SNX16: variants seen among roughly 807,000 people sequenced by gnomAD.
The protein encoded by SNX16 is sorting nexin-16.
A neutral mutation model predicts 36.7 loss-of-function variants in SNX16; 35 were observed. That is an observed-to-expected ratio of 0.95 (90% confidence interval 0.73 to 1.27). SNX16 has a LOEUF of 1.27. Ranked by LOEUF, SNX16 falls within the 50% of genes most tolerant of loss-of-function variation. SNX16 has a pLI of 0.00. For synonymous variants in SNX16, 134 were observed against 132.0 expected (o/e 1.02, Z -0.10); for missense variants, 367 against 393.6 (o/e 0.93, Z 0.57).
At chr8:81,815,288 G>T (rs746648023) in intron 5 of SNX16, 37 bp downstream of exon 5, 3 of 1,493,154 alleles carry the variant, frequency 2.0e-6, no homozygotes, top group Non-Finnish European at 2.8e-6. Flanking sequence ...TGCATTAATT[G>T]TTCCTCTTTT....
At chr8:81,835,719 A>G (rs536770348) in intron 2 of SNX16, among the ~76,000 whole-genome samples, 7 of 152,294 alleles carry the variant, frequency 4.6e-5, no homozygotes, top group African/African-American at 1.7e-4. Flanking sequence ...TCCAACTAAG[A>G]CTACCTCAGC....
intron 4 of SNX16, among the ~76,000 whole-genome samples, chr8:81,821,682 C>T (rs1224277023): frequency 1.3e-5 from 2 of 151,828 alleles, no homozygotes; most frequent in African/African-American, 4.8e-5. Flanking sequence ...TAATCGCTAA[C>T]TCTGTCACAT....
At chr8:81,817,450 A>C (rs1810546748) in intron 4 of SNX16, among the ~76,000 whole-genome samples, 2 of 152,168 alleles carry the variant, frequency 1.3e-5, no homozygotes, top group South Asian at 4.1e-4. Context: ...CTTCCCTAAA[A>C]ATCTTTATGA....
At chr8:81,810,922 C>A (rs962261226) in intron 5 of SNX16, among the ~76,000 whole-genome samples, 5 of 152,068 alleles carry the variant, frequency 3.3e-5, no homozygotes, top group Admixed American at 2.0e-4. Flanking sequence ...TCTTCCCCTG[C>A]CAAGTTATGA....
chr8:81,801,257 G>A lies in SNX16; in HGVS notation c.*240C>T. The A allele has an allele frequency of 3.0e-6, 1 of 331,844 alleles. No homozygotes were observed. Among genetic ancestry groups the A allele is most frequent in the Non-Finnish European group, 5.4e-6 (1 of 183,764 alleles). 20.6% of individuals were successfully genotyped at this position (331,844 alleles called of 1,614,324 possible). A position where few individuals can be genotyped will look rare whatever the true frequency, so the allele number is the denominator to read the frequency against. On this transcript the variant is annotated 3_prime_UTR_variant, in exon 8 of 8. Coordinates refer to ENST00000345957, the MANE Select transcript of SNX16 (RefSeq NM_152836.3). ...TTTAAGAATGTGGGCCTTGATAACA[G>A]AATTCCAACAAGATTTTTTTTAGTG... is the stretch of plus-strand genomic sequence containing the variant.
chr8:81,830,292 G>C (rs188018967), intron 2 of SNX16, among the ~76,000 whole-genome samples: 2 of 152,042 alleles, frequency 1.3e-5, no homozygotes, highest in South Asian at 4.1e-4. Context: ...TCACAGGGCC[G>C]GGTGTGGTGG....
At chr8:81,821,156 C>A (rs540246793) in intron 4 of SNX16, among the ~76,000 whole-genome samples, 2 of 150,348 alleles carry the variant, frequency 1.3e-5, no homozygotes, top group East Asian at 1.9e-4. Flanking sequence ...ACCTTTAATC[C>A]TTTAGGGATA....
At position 81,801,597 on chromosome 8, in the gene SNX16, C is replaced by CAAAGAA. The variant is rs1809693757; in HGVS notation, c.939-5_939-4insTTCTTT. On this transcript the variant is annotated splice_polypyrimidine_tract_variant and splice_region_variant and intron_variant, in intron 7 of 7. Transcript: ENST00000345957. ...TAAGCATGGTTTATTATCAGCTCTG[C>CAAAGAA]AAAAAAAAAAAAAAAAGGAACATAT... 1.1e-6 allele frequency: 1 copy of CAAAGAA among 896,218 alleles called. No homozygotes were observed. The allele number at this position is 896,218 out of a possible 1,614,324, so 55.5% of individuals were successfully genotyped here. A position where few individuals can be genotyped will look rare whatever the true frequency, so the allele number is the denominator to read the frequency against.
rs1809685076 is a variant in SNX16 at position 81,801,511 on chromosome 8, C to A, written c.1021G>T (p.Ala341Ser). The A allele has an allele frequency of 6.3e-7, 1 of 1,589,088 alleles. No homozygotes were observed. The highest frequency in any genetic ancestry group is 1.4e-5 in the African/African-American group (1 of 73,594). Residue 341 changes from alanine (A) to serine (S), a missense_variant, in exon 8 of 8, where the codon GCT (alanine) becomes TCT (serine). Ala to Ser is a moderately conservative substitution (Grantham distance 99). Transcript: ENST00000345957. Reference sequence around the variant, plus strand: ...CTTGTGATACATTAGTCTTCTTCAGCATCATATGCCACTTCTGCTACTTCT... The same window carrying A: ...CTTGTGATACATTAGTCTTCTTCAGAATCATATGCCACTTCTGCTACTTCT... ...EIEVAEVAYD[A>S]EED
intron 5 of SNX16, among the ~76,000 whole-genome samples, chr8:81,812,392 A>G (rs1327991606): frequency 6.6e-6 from 1 of 152,140 alleles, no homozygotes; most frequent in East Asian, 1.9e-4. Flanking sequence ...AACTGCTGAA[A>G]GTCAAACAAA....
At chr8:81,830,687 G>A (rs187364679) in intron 2 of SNX16, among the ~76,000 whole-genome samples, 22 of 151,296 alleles carry the variant, frequency 1.5e-4, no homozygotes, top group Non-Finnish European at 2.9e-4. Context: ...TGGCCACACT[G>A]CCCAAAGCAG....
At position 81,801,444 on chromosome 8, in the gene SNX16, C is replaced by CCA. The variant is rs1809681332; in HGVS notation, c.*51_*52dup. 1.0e-5 allele frequency: 10 copies of CCA among 1,002,542 alleles called. 1 individual carries two copies. Among genetic ancestry groups the CCA allele is most frequent in the South Asian group, 7.8e-5 (5 of 63,876 alleles). 62.1% of individuals were successfully genotyped at this position (1,002,542 alleles called of 1,614,324 possible). A position where few individuals can be genotyped will look rare whatever the true frequency, so the allele number is the denominator to read the frequency against. On this transcript the variant is annotated 3_prime_UTR_variant, in exon 8 of 8. Transcript: ENST00000345957. The stretch of plus-strand genomic sequence containing the variant: ...GGTTCTTCTTTTAAAATAGTATTTG[C>CCA]CACTCTTCTAAATTTTTGAATAGTC...
In SNX16 at chr8:81,813,546, A is replaced by C. The variant is rs1810355283; in HGVS notation, c.681+1779T>G. On this transcript the variant is annotated intron_variant, in intron 5 of 7. Coordinates refer to ENST00000345957, the MANE Select transcript of SNX16 (RefSeq NM_152836.3). ...GTTAGGCAAAGAGTTTTTATAATAC[A>C]ATAGTAAAAGCATAAGCCATTAAAA... is the stretch of plus-strand genomic sequence containing the variant. Among the ~76,000 whole-genome samples the C allele has an allele frequency of 5.3e-5, 8 of 151,910 alleles. No individual in the cohort carries two copies. In the South Asian group the frequency reaches 1.7e-3, roughly 31 times the overall value.
In SNX16 at chr8:81,824,847, C is replaced by T. The variant is rs907028465; in HGVS notation, c.463-907G>A. 1.3e-5 allele frequency among the ~76,000 whole-genome samples: 2 copies of T among 152,110 alleles called. 1 individual carries two copies. On this transcript the variant is annotated intron_variant, in intron 3 of 7. Coordinates refer to ENST00000345957, the MANE Select transcript of SNX16 (RefSeq NM_152836.3). ...GAGGTACAGTAAGGATGATATATCTCTATTATGCAATGAATTCAGGCCTCA... is the reference window on the plus strand; with the variant it reads ...GAGGTACAGTAAGGATGATATATCTTTATTATGCAATGAATTCAGGCCTCA...
intron 2 of SNX16, 36 bp from the exon 3 acceptor site, chr8:81,829,552 T>C: frequency 2.1e-6 from 2 of 941,276 alleles, no homozygotes; most frequent in South Asian, 4.8e-5. Flanking sequence ...GAGAGAAAAA[T>C]ATAAAAGTAA....
At chr8:81,835,741 A>T (rs901522097) in intron 2 of SNX16, among the ~76,000 whole-genome samples, 5 of 152,186 alleles carry the variant, frequency 3.3e-5, no homozygotes, top group Non-Finnish European at 7.3e-5. Context: ...TGGACTGTAG[A>T]AAGAGGTTTA....
At chr8:81,824,304 T>C (rs1438684925) in intron 3 of SNX16, among the ~76,000 whole-genome samples, 1 of 152,176 alleles carries the variant, frequency 6.6e-6, no homozygotes, top group Non-Finnish European at 1.5e-5. Context: ...TGGTGAATTA[T>C]GTATTAAATT....
chr8:81,839,799 T>C lies in SNX16; in HGVS notation c.188A>G (p.Asn63Ser), dbSNP rs767877209. Residue 63 changes from asparagine (N) to serine (S), a missense_variant, in exon 2 of 8, where the codon AAT becomes AGT. Coordinates refer to ENST00000345957, the MANE Select transcript of SNX16 (RefSeq NM_152836.3). Reference protein sequence around the residue: ...KQTSVPDQMDNTSSVCSSPLI... With the variant: ...KQTSVPDQMDSTSSVCSSPLI... ...GGGACTGCTACAGACAGATGAAGTA[T>C]TATCCATTTGATCAGGAACACTTGT... 2 of 1,613,562 alleles carry C rather than the reference T, an allele frequency of 1.2e-6. No individual in the cohort carries two copies. The highest frequency in any genetic ancestry group is 2.2e-5 in the East Asian group (1 of 44,872).
chr8:81,837,171 C>T (rs1365717073), intron 2 of SNX16, among the ~76,000 whole-genome samples: 2 of 152,154 alleles, frequency 1.3e-5, no homozygotes, highest in African/African-American at 2.4e-5. Flanking sequence ...ACATATCAGG[C>T]GTCTTATTAT....
Sources: allele counts gnomAD v4.1 joint callset (sites outside exome capture counted in the v4.1 genomes callset), GRCh38; gene constraint gnomAD v4.1.1; transcripts MANE v1.5; gene names NCBI Gene and HGNC (gene_info 2026-07-23, HGNC 2026-07-21).